Variants in HADHB observed in about 807,000 individuals in gnomAD.
The protein encoded by HADHB is hydroxyacyl-CoA dehydrogenase trifunctional multienzyme complex subunit beta.
Under a neutral mutation model 61.9 loss-of-function variants are expected in HADHB, and 50 were observed. The observed-to-expected ratio is 0.81, with a 90% confidence interval of 0.64 to 1.02. HADHB has a LOEUF of 1.02. Among genes scored for constraint, HADHB ranks in the 50% least tolerant of loss-of-function variants. HADHB has a pLI of 0.00. For synonymous variants in HADHB, 191 were observed against 201.6 expected, an observed-to-expected ratio of 0.95 and a Z score of 0.45; for missense variants, 504 against 586.5, an observed-to-expected ratio of 0.86 and a Z score of 1.45.
intron 15 of HADHB, among the ~76,000 whole-genome samples, chr2:26,286,581 C>T: frequency 6.6e-6 from 1 of 152,078 alleles, no homozygotes; most frequent in East Asian, 1.9e-4. Flanking sequence ...CGGCTCACTG[C>T]AACCTCTGCC....
At chr2:26,281,430 A>C (rs1436859867) in intron 10 of HADHB, among the ~76,000 whole-genome samples, 1 of 152,192 alleles carries the variant, frequency 6.6e-6, no homozygotes, top group Non-Finnish European at 1.5e-5. Flanking sequence ...AGTAGTTCCA[A>C]CAGGATGGAA....
intron 1 of HADHB, among the ~76,000 whole-genome samples, chr2:26,247,082 T>C (rs560330366): frequency 5.3e-5 from 8 of 152,318 alleles, no homozygotes; most frequent in Admixed American, 1.3e-4. Flanking sequence ...TGTTTCAAAG[T>C]TGTAATAATG....
At chr2:26,271,621 A>G (rs1343365326) in intron 5 of HADHB, among the ~76,000 whole-genome samples, 3 of 152,164 alleles carry the variant, frequency 2.0e-5, no homozygotes, top group Admixed American at 6.5e-5. Flanking sequence ...CTCTGTATGC[A>G]TATTTTCCTT....
intron 4 of HADHB, among the ~76,000 whole-genome samples, chr2:26,263,935 A>T (rs1172066307): frequency 1.3e-5 from 2 of 152,120 alleles, no homozygotes; most frequent in African/African-American, 4.8e-5. Flanking sequence ...GCACAACCCC[A>T]AGTGTGTGGG....
chr2:26,277,230 G>C, intron 7 of HADHB, 70 bp downstream of exon 7: 1 of 503,074 alleles, frequency 2.0e-6, no homozygotes, highest in South Asian at 2.4e-5. Context: ...TTATAAAAAT[G>C]TACTTTTTTT....
chr2:26,283,032 A>G lies in HADHB; in HGVS notation c.1042A>G (p.Lys348Glu). ...RDFMYVSQDP[K>E]DQLLLGPTYA... ...TTTTATGTATGTGTCTCAGGATCCA[A>G]AAGATCAACTATTACTTGGGTAGGT... The change falls in exon 12 of 16, where the codon AAA becomes GAA. Residue 348 changes from lysine (K) to glutamate (E), a missense_variant. By Grantham distance (56) the Lys-to-Glu change is moderately conservative. Transcript: ENST00000317799. The G allele has an allele frequency of 6.2e-7, 1 of 1,608,492 alleles. No homozygotes were observed. Among genetic ancestry groups the G allele is most frequent in the Non-Finnish European group, 8.5e-7 (1 of 1,174,824 alleles).
chr2:26,273,881 A>G, intron 6 of HADHB, 131 bp downstream of exon 6: 1 of 679,738 alleles, frequency 1.5e-6, no homozygotes, highest in Non-Finnish European at 2.7e-6. Context: ...GTGATTTTAC[A>G]GCTTGGGTAA....
chr2:26,266,623 T>C (rs1298151486), intron 4 of HADHB, among the ~76,000 whole-genome samples: 9 of 151,978 alleles, frequency 5.9e-5, no homozygotes, highest in Non-Finnish European at 1.3e-4. Context: ...CTCACGTCTG[T>C]AATCCCAGCA....
rs1360453463 is a variant in HADHB, at chr2:26,254,327, A to G, written c.64+9A>G. The G allele has an allele frequency of 6.5e-7, 1 of 1,536,960 alleles. No homozygotes were observed. The highest frequency in any genetic ancestry group is 9.0e-7 in the Non-Finnish European group (1 of 1,110,156). Reference sequence around the variant, plus strand: ...ATGGGCCCTCAGATTTTGTAAGTTTATTATTATTTTTTTATTTTTAGAGAT... The same window carrying G: ...ATGGGCCCTCAGATTTTGTAAGTTTGTTATTATTTTTTTATTTTTAGAGAT... On this transcript the variant is annotated intron_variant, in intron 2 of 15. Transcript: ENST00000317799.
At chr2:26,245,956 C>G (rs1245551143) in intron 1 of HADHB, among the ~76,000 whole-genome samples, 1 of 152,152 alleles carries the variant, frequency 6.6e-6, no homozygotes, top group Non-Finnish European at 1.5e-5. Context: ...GCCAGACTGA[C>G]AGCTCTGCAG....
chr2:26,269,972 C>T lies in HADHB; in HGVS notation c.229C>T (p.His77Tyr). Reference sequence around the variant, plus strand: ...CCCCAGATATAAAGACCTGATGCCACATGATTTGGCTAGAGCAGCGCTTAC... The same window carrying T: ...CCCCAGATATAAAGACCTGATGCCATATGATTTGGCTAGAGCAGCGCTTAC... Reference protein sequence around the residue: ...SGTSYKDLMPHDLARAALTGL... With the variant: ...SGTSYKDLMPYDLARAALTGL... Residue 77 changes from histidine to tyrosine, a missense_variant, in exon 5 of 16, where the codon CAT (histidine) becomes TAT (tyrosine). Coordinates refer to ENST00000317799, the MANE Select transcript of HADHB (RefSeq NM_000183.3). 1.9e-6 allele frequency: 3 copies of T among 1,608,494 alleles called. No homozygotes were observed. The highest frequency in any genetic ancestry group is 2.6e-6 in the Non-Finnish European group (3 of 1,174,880).
At position 26,282,315 on chromosome 2, in the gene HADHB, C is replaced by T. The variant is rs1436841301; in HGVS notation, c.934-530C>T. Among the ~76,000 whole-genome samples the T allele has an allele frequency of 7.0e-5, 10 of 143,232 alleles. No homozygotes were observed. In the Admixed American group the frequency reaches 7.3e-4, roughly 10 times the overall value. 94.0% of individuals were successfully genotyped at this position (143,232 alleles called of 152,430 possible). The stretch of plus-strand genomic sequence containing the variant: ...TGTCACCCAGGCTGGAATGCAGTGG[C>T]ACGATCTCAGCTCACTGCAACCTCC... On this transcript the variant is annotated intron_variant, in intron 10 of 15. Coordinates refer to ENST00000317799, the MANE Select transcript of HADHB (RefSeq NM_000183.3).
intron 4 of HADHB, among the ~76,000 whole-genome samples, chr2:26,264,882 C>G (rs751427781): frequency 4.0e-5 from 6 of 151,252 alleles, no homozygotes; most frequent in Non-Finnish European, 8.8e-5. Flanking sequence ...CCCAGCTACT[C>G]GAGACACTAA....
intron 1 of HADHB, among the ~76,000 whole-genome samples, chr2:26,248,269 A>C (rs1310738016): frequency 6.6e-6 from 1 of 152,234 alleles, no homozygotes; most frequent in Non-Finnish European, 1.5e-5. Context: ...GCCAAACAGT[A>C]TTCCATGGTG....
Position 26,279,200 on chromosome 2 carries a change from T to C in HADHB, c.696T>C (p.Ala232=). 2 of 1,613,952 alleles carry C rather than the reference T, an allele frequency of 1.2e-6. No homozygotes were observed. Among genetic ancestry groups the C allele is most frequent in the Non-Finnish European group, 1.7e-6 (2 of 1,179,870 alleles). Residue 232 remains alanine, a synonymous_variant, in exon 9 of 16, where the codon GCT becomes GCC. Transcript: ENST00000317799. ...TMGHSADRLA[A]AFAVSRLEQD... is the part of the protein sequence containing the mutation. Reference sequence around the variant, plus strand: ...GCCACTCTGCAGACCGACTGGCCGCTGCCTTTGCTGTTTCTCGGCTGGAAC... The same window carrying C: ...GCCACTCTGCAGACCGACTGGCCGCCGCCTTTGCTGTTTCTCGGCTGGAAC...
intron 5 of HADHB, among the ~76,000 whole-genome samples, chr2:26,273,041 C>T (rs1409584872): frequency 1.3e-5 from 2 of 151,712 alleles, no homozygotes; most frequent in Non-Finnish European, 2.9e-5. Context: ...CGAGATTGTG[C>T]CAGTACACTC....
chr2:26,259,414 C>G (rs952374382), intron 3 of HADHB, among the ~76,000 whole-genome samples: 10 of 152,180 alleles, frequency 6.6e-5, no homozygotes, highest in African/African-American at 2.4e-4. Context: ...TTTATTTCTC[C>G]CCTTCCAGGA....
chr2:26,274,371 G>T (rs934274129), intron 6 of HADHB, among the ~76,000 whole-genome samples: 2 of 152,192 alleles, frequency 1.3e-5, no homozygotes, highest in Admixed American at 6.5e-5. Flanking sequence ...ATTTAAAATC[G>T]ATTGGATGAA....
chr2:26,260,921 C>T, intron 3 of HADHB: 2 of 799,702 alleles, frequency 2.5e-6, no homozygotes, highest in Non-Finnish European at 4.1e-6. Flanking sequence ...ACCTGTTCTT[C>T]CTCATGGCAT....
Sources: gnomAD v4.1 joint callset for allele counts (sites outside exome capture counted in the v4.1 genomes callset) on GRCh38, gnomAD v4.1.1 for gene constraint, MANE v1.5 for transcripts, NCBI Gene and HGNC (gene_info 2026-07-23, HGNC 2026-07-21) for gene names.